The following TNFRSF21 variants were observed in gnomAD, a reference collection of about 807,000 sequenced individuals.
The protein encoded by TNFRSF21 is tumor necrosis factor receptor superfamily member 21.
A neutral mutation model predicts 45.6 loss-of-function variants in TNFRSF21; 19 were observed. That is an observed-to-expected ratio of 0.42 (90% CI 0.29 to 0.61). TNFRSF21 has a LOEUF of 0.61. TNFRSF21 is among the 20% of genes least tolerant of loss of function. TNFRSF21 has a pLI of 0.23. For synonymous variants in TNFRSF21, 314 were observed against 335.5 expected (o/e 0.94, Z 0.70); for missense variants, 737 against 851.5 (o/e 0.87, Z 1.67).
intron 4 of TNFRSF21, among the ~76,000 whole-genome samples, chr6:47,248,828 A>C (rs1764858604): frequency 6.6e-6 from 1 of 152,218 alleles, no homozygotes; most frequent in East Asian, 1.9e-4. Flanking sequence ...GCTAGTTAGG[A>C]ACATTCTTCC....
chr6:47,285,665 G>T (rs1265728096), intron 2 of TNFRSF21, among the ~76,000 whole-genome samples: 2 of 152,142 alleles, frequency 1.3e-5, no homozygotes, highest in Non-Finnish European at 2.9e-5. Context: ...CTTACATAAG[G>T]TCACACGCTG....
At chr6:47,270,207 T>C (rs1762394987) in intron 3 of TNFRSF21, among the ~76,000 whole-genome samples, 1 of 152,138 alleles carries the variant, frequency 6.6e-6, no homozygotes, top group Non-Finnish European at 1.5e-5. Flanking sequence ...CTGACCCCCG[T>C]ATAGCCTAAC....
intron 4 of TNFRSF21, among the ~76,000 whole-genome samples, chr6:47,246,693 T>C (rs1428388740): frequency 6.6e-6 from 1 of 152,180 alleles, no homozygotes; most frequent in Non-Finnish European, 1.5e-5. Flanking sequence ...ACAGACGTTC[T>C]TTGCAGAGTC....
At chr6:47,291,976 C>T (rs1437038432) in intron 1 of TNFRSF21, among the ~76,000 whole-genome samples, 4 of 152,182 alleles carry the variant, frequency 2.6e-5, no homozygotes, top group Admixed American at 1.3e-4. Context: ...TTAGTCAACT[C>T]ATGATCTAAA....
At chr6:47,291,785 C>T (rs1762732974) in intron 1 of TNFRSF21, among the ~76,000 whole-genome samples, 2 of 152,320 alleles carry the variant, frequency 1.3e-5, no homozygotes, top group South Asian at 4.1e-4. Context: ...AGAGGGACTT[C>T]GAAGGCCTCT....
chr6:47,292,429 C>T (rs2113867127), intron 1 of TNFRSF21, among the ~76,000 whole-genome samples: 1 of 151,802 alleles, frequency 6.6e-6, no homozygotes, highest in East Asian at 1.9e-4. Context: ...TGTGGGTCTG[C>T]AGTGGGGCCA....
chr6:47,295,687 G>T (rs2113868401), intron 1 of TNFRSF21, among the ~76,000 whole-genome samples: 1 of 152,200 alleles, frequency 6.6e-6, no homozygotes, highest in Admixed American at 6.5e-5. Context: ...ATTTGAAGCA[G>T]GGAAAAAGGA....
At chr6:47,249,101 CTGGTTAGA>C (rs1266649710) in intron 4 of TNFRSF21, among the ~76,000 whole-genome samples, 3 of 152,166 alleles carry the variant, frequency 2.0e-5, no homozygotes, top group African/African-American at 7.2e-5. Context: ...GCCTTACTGG[CTGGTTAGA>C]TGGCGATCCA....
intron 3 of TNFRSF21, among the ~76,000 whole-genome samples, chr6:47,280,719 T>C (rs1429799819): frequency 6.6e-6 from 1 of 152,230 alleles, no homozygotes; most frequent in Non-Finnish European, 1.5e-5. Context: ...AAGGTTACCA[T>C]GGTCATAAGA....
At chr6:47,270,225 C>T (rs1052665275) in intron 3 of TNFRSF21, among the ~76,000 whole-genome samples, 1 of 152,176 alleles carries the variant, frequency 6.6e-6, no homozygotes, top group Non-Finnish European at 1.5e-5. Context: ...AACTGGGACT[C>T]ACCTCCCAAC....
chr6:47,306,399 C>T (rs1457782376), intron 1 of TNFRSF21, among the ~76,000 whole-genome samples: 1 of 152,166 alleles, frequency 6.6e-6, no homozygotes, highest in Non-Finnish European at 1.5e-5. Flanking sequence ...TAAGGGAGGA[C>T]ATGAGCTGAA....
Position 47,286,238 on chromosome 6 carries a change from C to T in TNFRSF21, c.454G>A (p.Val152Met). ...ATCAPHTVCP[V>M]GWGVRKKGTE... ...CCTTTCTTCCGCACACCCCAACCCA[C>T]AGGACACACCGTATGGGGGGCACAG... is the stretch of plus-strand genomic sequence containing the variant. Residue 152 changes from valine to methionine, a missense_variant, in exon 2 of 6, where the codon GTG becomes ATG. Coordinates refer to ENST00000296861, the MANE Select transcript of TNFRSF21 (RefSeq NM_014452.5). 6.2e-7 allele frequency: 1 copy of T among 1,614,242 alleles called. No individual in the cohort carries two copies. Among genetic ancestry groups the T allele is most frequent in the Admixed American group, 1.7e-5 (1 of 60,036 alleles).
chr6:47,299,922 A>G (rs923162070), intron 1 of TNFRSF21, among the ~76,000 whole-genome samples: 1 of 152,234 alleles, frequency 6.6e-6, no homozygotes, highest in South Asian at 2.1e-4. Context: ...CAAAAGCCAT[A>G]AAACTGTTCA....
chr6:47,285,088 A>G (rs1762627559), intron 2 of TNFRSF21, among the ~76,000 whole-genome samples: 2 of 152,208 alleles, frequency 1.3e-5, no homozygotes, highest in South Asian at 2.1e-4. Flanking sequence ...AAGCAAAGCT[A>G]GAGTGGCCAT....
chr6:47,281,556 T>C (rs1259601473), intron 3 of TNFRSF21, among the ~76,000 whole-genome samples: 1 of 152,136 alleles, frequency 6.6e-6, no homozygotes, highest in Non-Finnish European at 1.5e-5. Context: ...AATTACTGTA[T>C]TTTTAGTAGA....
rs878897096 is a variant in TNFRSF21, at chr6:47,278,290, T to A, written c.1243+5648A>T. Among the ~76,000 whole-genome samples, 8 of 152,170 alleles carry A rather than the reference T, an allele frequency of 5.3e-5. 1 individual carries two copies. Among genetic ancestry groups the A allele is most frequent in the Admixed American group, 5.2e-4 (8 of 15,272 alleles). ...CAACAAGAAAAAAACCAATCCAATG[T>A]CTTTAAAACAATCTGGCCTTTAAAA... On this transcript the variant is annotated intron_variant, in intron 3 of 5. Coordinates refer to ENST00000296861, the MANE Select transcript of TNFRSF21 (RefSeq NM_014452.5).
chr6:47,253,089 G>T (rs1056784056), intron 4 of TNFRSF21, among the ~76,000 whole-genome samples, 167 bp downstream of exon 4: 1 of 151,598 alleles, frequency 6.6e-6, no homozygotes, highest in Non-Finnish European at 1.5e-5. Context: ...GAGAACCCCC[G>T]TCCTAGAAGG....
intron 3 of TNFRSF21, among the ~76,000 whole-genome samples, chr6:47,267,821 T>C (rs1038377669): frequency 2.6e-5 from 4 of 152,160 alleles, no homozygotes; most frequent in African/African-American, 9.7e-5. Context: ...AGCCCTCACC[T>C]TTCACTGCAC....
intron 1 of TNFRSF21, among the ~76,000 whole-genome samples, chr6:47,297,360 G>C (rs973243523): frequency 3.9e-5 from 6 of 152,136 alleles, no homozygotes; most frequent in African/African-American, 1.4e-4. Context: ...CAGGCAAAAC[G>C]TGTCTGACAC....
Sources: allele counts gnomAD v4.1 joint callset (sites outside exome capture counted in the v4.1 genomes callset), GRCh38; gene constraint gnomAD v4.1.1; transcripts MANE v1.5; gene names NCBI Gene and HGNC (gene_info 2026-07-23, HGNC 2026-07-21).